The following AFF2 variants were observed in gnomAD, a reference collection of about 807,000 sequenced individuals.
The protein encoded by AFF2 is ALF transcription elongation factor 2, also known as AF4/FMR2 family member 2.
A neutral mutation model predicts 76.9 loss-of-function variants in AFF2; 14 were observed. The observed-to-expected ratio is 0.18, with a 90% CI of 0.12 to 0.28. AFF2 has a LOEUF of 0.28. AFF2 is among the 10% of genes least tolerant of loss of function. The pLI is 1.00. For synonymous variants in AFF2, 398 were observed against 366.7 expected, an observed-to-expected ratio of 1.09 and a Z score of -0.98; for missense variants, 868 against 1,001.1, an observed-to-expected ratio of 0.87 and a Z score of 1.79.
chrX:148,562,084 G>A (rs2053119333), intron 1 of AFF2, among the ~76,000 whole-genome samples: 2 of 112,253 alleles, frequency 1.8e-5, no homozygotes, highest in Non-Finnish European at 3.8e-5. Context: ...AAAGTGGTGA[G>A]TTCCCACCCA....
intron 1 of AFF2, among the ~76,000 whole-genome samples, chrX:148,572,544 G>T (rs1026154833): frequency 1.8e-5 from 2 of 111,443 alleles, no homozygotes; most frequent in African/African-American, 3.3e-5. Context: ...AACTAAATGT[G>T]GTCTATCTAT....
intron 19 of AFF2, among the ~76,000 whole-genome samples, chrX:148,986,761 A>G (rs2072476924): frequency 8.8e-6 from 1 of 113,382 alleles, no homozygotes; most frequent in African/African-American, 3.2e-5. Flanking sequence ...TTGGACATCA[A>G]GTGTTTTCTA....
intron 3 of AFF2, among the ~76,000 whole-genome samples, chrX:148,715,506 C>G (rs1239677138): frequency 9.0e-6 from 1 of 111,180 alleles, no homozygotes; most frequent in Admixed American, 9.5e-5. Context: ...CTGTTGCTGC[C>G]AGACTTGACC....
intron 3 of AFF2, among the ~76,000 whole-genome samples, chrX:148,689,556 C>T (rs993473087): frequency 3.6e-5 from 4 of 110,855 alleles, no homozygotes; most frequent in Admixed American, 9.6e-5. Context: ...ATGAGTTTCT[C>T]TTTTTCTAGT....
At chrX:148,688,445 G>A (rs987223918) in intron 3 of AFF2, among the ~76,000 whole-genome samples, 1 of 111,194 alleles carries the variant, frequency 9.0e-6, no homozygotes, top group Non-Finnish European at 1.9e-5. Flanking sequence ...TTCTGTTCCT[G>A]CAGTTTTTGT....
At chrX:148,762,646 G>C (rs1182185671) in intron 3 of AFF2, among the ~76,000 whole-genome samples, 1 of 110,031 alleles carries the variant, frequency 9.1e-6, no homozygotes, top group African/African-American at 3.3e-5. Flanking sequence ...AGGAAAGCAA[G>C]TTCCCTCAGA....
intron 1 of AFF2, among the ~76,000 whole-genome samples, chrX:148,567,012 T>G (rs886478234): frequency 3.6e-5 from 4 of 111,754 alleles, no homozygotes; most frequent in African/African-American, 1.3e-4. Flanking sequence ...TGAACTCCAG[T>G]TGGACAGAGA....
At chrX:148,829,328 C>G (rs1883513815) in intron 4 of AFF2, among the ~76,000 whole-genome samples, 1 of 111,956 alleles carries the variant, frequency 8.9e-6, no homozygotes, top group South Asian at 3.7e-4. Context: ...AACAGCATTC[C>G]AAATAGAAGA....
At chrX:148,763,240 A>C (rs2069473329) in intron 3 of AFF2, among the ~76,000 whole-genome samples, 1 of 112,210 alleles carries the variant, frequency 8.9e-6, no homozygotes, top group African/African-American at 3.2e-5. Context: ...GAATTTAATT[A>C]TACTCCATAT....
chrX:148,546,197 AT>A (rs1201369575), intron 1 of AFF2, among the ~76,000 whole-genome samples: 1 of 111,689 alleles, frequency 9.0e-6, no homozygotes, highest in African/African-American at 3.3e-5. Flanking sequence ...TTCCCTACAG[AT>A]TTTAAATTTT....
chrX:148,520,657 A>G (rs1222466980), intron 1 of AFF2, among the ~76,000 whole-genome samples: 4 of 112,687 alleles, frequency 3.5e-5, no homozygotes, highest in Middle Eastern at 8.3e-3. Context: ...CTGTAGAAGA[A>G]AGGCCTTTAT....
intron 9 of AFF2, among the ~76,000 whole-genome samples, chrX:148,939,375 G>C (rs1222551083): frequency 9.0e-6 from 1 of 111,375 alleles, no homozygotes; most frequent in Non-Finnish European, 1.9e-5. Context: ...GAAAAATAAC[G>C]ACCATTTCAA....
intron 1 of AFF2, among the ~76,000 whole-genome samples, chrX:148,533,520 C>T (rs1433937491): frequency 9.0e-6 from 1 of 111,207 alleles, no homozygotes; most frequent in Non-Finnish European, 1.9e-5. Flanking sequence ...TCTTGATCTC[C>T]TGACCTCGTG....
At chrX:148,785,126 T>TATTTC (rs1557269394) in intron 3 of AFF2, among the ~76,000 whole-genome samples, 1 of 112,403 alleles carries the variant, frequency 8.9e-6, no homozygotes, top group African/African-American at 3.2e-5. Context: ...TGTGTACGCA[T>TATTTC]GCGCATGCAC....
chrX:148,621,921 A>C (rs140266614), intron 1 of AFF2, among the ~76,000 whole-genome samples: 1 of 112,112 alleles, frequency 8.9e-6, no homozygotes, highest in Non-Finnish European at 1.9e-5. Context: ...ATTATGCATG[A>C]TTTGCAATTA....
chrX:148,912,314 G>A (rs2071479553), intron 9 of AFF2, among the ~76,000 whole-genome samples: 1 of 111,695 alleles, frequency 9.0e-6, no homozygotes, highest in African/African-American at 3.3e-5. Flanking sequence ...GCCCTGGTGT[G>A]TGTGTTCCCC....
chrX:148,808,139 T>C (rs2124639177), intron 3 of AFF2, among the ~76,000 whole-genome samples: 1 of 112,380 alleles, frequency 8.9e-6, no homozygotes, highest in South Asian at 3.7e-4. Flanking sequence ...CCCATACTTC[T>C]TTGAACACAG....
chrX:148,721,841 C>A (rs182865669), intron 3 of AFF2, among the ~76,000 whole-genome samples: 1 of 111,885 alleles, frequency 8.9e-6, no homozygotes, highest in East Asian at 2.9e-4. Flanking sequence ...CGGGCGTTGC[C>A]GTAGCACTTC....
At chrX:148,710,566 G>T (rs2054954612) in intron 3 of AFF2, among the ~76,000 whole-genome samples, 1 of 111,869 alleles carries the variant, frequency 8.9e-6, no homozygotes, top group Non-Finnish European at 1.9e-5. Flanking sequence ...AAGTATGTTT[G>T]CAATATTGTG....
Sources: allele counts gnomAD v4.1 joint callset (sites outside exome capture counted in the v4.1 genomes callset), GRCh38; gene constraint gnomAD v4.1.1; transcripts MANE v1.5; gene names NCBI Gene and HGNC (gene_info 2026-07-23, HGNC 2026-07-21).